Variants in CNTN5 observed in about 807,000 individuals in gnomAD.
CNTN5 encodes the protein contactin-5.
Under a neutral mutation model 129.1 loss-of-function variants are expected in CNTN5, and 77 were observed. That is an observed-to-expected ratio of 0.60 (90% confidence interval 0.50 to 0.72). CNTN5 has a LOEUF of 0.72. CNTN5 is among the 30% of genes least tolerant of loss of function. The pLI, the probability that CNTN5 is intolerant of heterozygous loss-of-function variation, is 0.00. For missense variants in CNTN5, 1,478 were observed against 1,328.8 expected, an observed-to-expected ratio of 1.11 and a Z score of -1.75; for synonymous variants, 509 against 465.6, an observed-to-expected ratio of 1.09 and a Z score of -1.20.
intron 1 of CNTN5, among the ~76,000 whole-genome samples, chr11:99,087,753 A>G (rs1866059849): frequency 6.6e-6 from 1 of 152,228 alleles, no homozygotes; most frequent in Admixed American, 6.5e-5. Context: ...TTTGTATTTC[A>G]AAATGTATTA....
At chr11:99,752,223 T>C (rs1464997584) in intron 3 of CNTN5, among the ~76,000 whole-genome samples, 1 of 152,206 alleles carries the variant, frequency 6.6e-6, no homozygotes, top group African/African-American at 2.4e-5. Flanking sequence ...CAGCCTTTAT[T>C]GAGGAAGCGC....
intron 6 of CNTN5, among the ~76,000 whole-genome samples, chr11:99,909,644 A>T (rs1949603081): frequency 6.6e-6 from 1 of 152,180 alleles, no homozygotes; most frequent in Non-Finnish European, 1.5e-5. Flanking sequence ...AAAAAGTATG[A>T]GTTCATGTCC....
intron 1 of CNTN5, among the ~76,000 whole-genome samples, chr11:99,287,868 T>G (rs1864006613): frequency 6.6e-6 from 1 of 151,694 alleles, no homozygotes. Context: ...TGTGGAGGAA[T>G]AAAGGAGAAG....
At chr11:100,352,863 C>T (rs566110632) in intron 24 of CNTN5, among the ~76,000 whole-genome samples, 39 of 151,772 alleles carry the variant, frequency 2.6e-4, no homozygotes, top group Non-Finnish European at 4.4e-4. Flanking sequence ...GCAAAATATA[C>T]GACAACCTTC....
At chr11:100,299,497 A>G (rs2138890840) in intron 20 of CNTN5, 101 bp downstream of exon 20, 1 of 665,490 alleles carries the variant, frequency 1.5e-6, no homozygotes, top group East Asian at 3.2e-5. Flanking sequence ...AATAAGGCAA[A>G]ATAAACTCAT....
At chr11:99,628,103 A>G (rs1951196183) in intron 3 of CNTN5, among the ~76,000 whole-genome samples, 1 of 151,898 alleles carries the variant, frequency 6.6e-6, no homozygotes, top group African/African-American at 2.4e-5. Flanking sequence ...TGCAGCCTTA[A>G]AAGGAGCAAT....
chr11:100,347,213 G>A (rs557047), intron 23 of CNTN5, among the ~76,000 whole-genome samples: 20,933 of 151,986 alleles, frequency 0.14, 1,741 homozygotes, highest in East Asian at 0.33. Flanking sequence ...GTACACTTGG[G>A]TTGATACTGT....
intron 6 of CNTN5, 43 bp downstream of exon 6, chr11:99,845,305 T>G (rs758973438): frequency 9.5e-7 from 1 of 1,047,158 alleles, no homozygotes; most frequent in Non-Finnish European, 1.3e-6. Context: ...GTATATAGTG[T>G]GTATATACAG....
chr11:99,283,786 A>C (rs1294529295), intron 1 of CNTN5, among the ~76,000 whole-genome samples: 4 of 152,144 alleles, frequency 2.6e-5, no homozygotes, highest in African/African-American at 9.7e-5. Context: ...AAATGAGTGA[A>C]TTTAGATTCA....
intron 2 of CNTN5, among the ~76,000 whole-genome samples, chr11:99,482,546 AAT>A (rs1026150836): frequency 2.8e-4 from 43 of 152,366 alleles, no homozygotes; most frequent in African/African-American, 9.9e-4. Flanking sequence ...TCAAATGTGA[AAT>A]GTGACTTTTC....
chr11:100,161,038 A>T (rs1168558656), intron 13 of CNTN5, among the ~76,000 whole-genome samples: 1 of 151,960 alleles, frequency 6.6e-6, no homozygotes, highest in Non-Finnish European at 1.5e-5. Flanking sequence ...CATACCTCAC[A>T]ACAGACATTA....
At chr11:99,680,991 T>G (rs755404076) in intron 3 of CNTN5, among the ~76,000 whole-genome samples, 1 of 152,028 alleles carries the variant, frequency 6.6e-6, no homozygotes. Flanking sequence ...TTTCAATCAT[T>G]ATGAGTGACT....
chr11:99,910,693 C>T (rs1050484650), intron 6 of CNTN5, among the ~76,000 whole-genome samples: 1 of 152,062 alleles, frequency 6.6e-6, no homozygotes, highest in Non-Finnish European at 1.5e-5. Flanking sequence ...GAATTAGTAT[C>T]TACTTCCAGG....
intron 3 of CNTN5, among the ~76,000 whole-genome samples, chr11:99,646,761 G>A (rs1485853856): frequency 3.0e-5 from 4 of 132,984 alleles, no homozygotes; most frequent in African/African-American, 1.1e-4. Flanking sequence ...ATAAAAGACT[G>A]AACAAAAATT....
In CNTN5 at chr11:99,556,163, A is replaced by C. The variant is rs1948656177; in HGVS notation, c.-52A>C. ...CAAACAGGGCACTCTTTAATGAAGA[A>C]ACACCAGAGCTGTTAAACACATTGA... is the stretch of plus-strand genomic sequence containing the variant. On this transcript the variant is annotated 5_prime_UTR_variant, in exon 3 of 25. Coordinates refer to ENST00000524871, the MANE Select transcript of CNTN5 (RefSeq NM_014361.4). The C allele has an allele frequency of 9.3e-7, 1 of 1,080,690 alleles. No individual in the cohort carries two copies. The highest frequency in any genetic ancestry group is 1.6e-5 in the African/African-American group (1 of 61,980). The allele number at this position is 1,080,690 out of a possible 1,614,324, so 66.9% of individuals were successfully genotyped here. A position where few individuals can be genotyped will look rare whatever the true frequency, so the allele number is the denominator to read the frequency against.
intron 21 of CNTN5, among the ~76,000 whole-genome samples, chr11:100,326,026 T>G (rs2138973748): frequency 6.6e-6 from 1 of 152,246 alleles, no homozygotes; most frequent in African/African-American, 2.4e-5. Flanking sequence ...TCTTTTATAT[T>G]TAAAGAACAA....
At chr11:99,819,456 G>A (rs7105653) in intron 3 of CNTN5, 88 bp from the exon 4 acceptor site, 19 of 1,154,342 alleles carry the variant, frequency 1.6e-5, no homozygotes, top group South Asian at 5.7e-5. Flanking sequence ...AAGGTTTTTA[G>A]TAATGTCTTC....
intron 1 of CNTN5, among the ~76,000 whole-genome samples, chr11:99,121,428 C>T (rs1858320957): frequency 6.6e-6 from 1 of 152,182 alleles, no homozygotes. Flanking sequence ...CCACCACACC[C>T]AACCGGTTTT....
intron 1 of CNTN5, among the ~76,000 whole-genome samples, chr11:99,226,753 TTC>T (rs1207591546): frequency 1.3e-5 from 2 of 152,186 alleles, no homozygotes; most frequent in Non-Finnish European, 2.9e-5. Context: ...TCTACTCACT[TTC>T]TGTTTCTTAT....
Sources: gnomAD v4.1 joint callset for allele counts (sites outside exome capture counted in the v4.1 genomes callset) on GRCh38, gnomAD v4.1.1 for gene constraint, MANE v1.5 for transcripts, NCBI Gene and HGNC (gene_info 2026-07-23, HGNC 2026-07-21) for gene names.